Variants in NTNG2 observed in about 807,000 individuals in gnomAD.
NTNG2 encodes netrin G2, also known as netrin-G2.
A neutral mutation model predicts 47.6 loss-of-function variants in NTNG2; 15 were observed. The observed-to-expected ratio is 0.32, with a 90% CI of 0.21 to 0.49. NTNG2 has a LOEUF of 0.49. Ranked by LOEUF, NTNG2 falls within the 20% of genes least tolerant of loss-of-function variation. NTNG2 has a pLI of 0.99. For synonymous variants in NTNG2, 307 were observed against 324.6 expected (o/e 0.95, Z 0.58); for missense variants, 578 against 764.6 (o/e 0.76, Z 2.88).
At chr9:132,188,149 G>A (rs897536930) in intron 2 of NTNG2, among the ~76,000 whole-genome samples, 4 of 152,324 alleles carry the variant, frequency 2.6e-5, no homozygotes, top group East Asian at 1.9e-4. Flanking sequence ...CTTCCCCCAC[G>A]ATTGCTTCCC....
intron 3 of NTNG2, among the ~76,000 whole-genome samples, chr9:132,200,401 C>T (rs529128617): frequency 7.2e-5 from 11 of 152,316 alleles, no homozygotes; most frequent in African/African-American, 2.6e-4. Flanking sequence ...AGTGATTTGC[C>T]GTATGGCAGG....
intron 3 of NTNG2, among the ~76,000 whole-genome samples, chr9:132,199,196 T>C (rs1838557071): frequency 6.6e-6 from 1 of 152,116 alleles, no homozygotes; most frequent in South Asian, 2.1e-4. Flanking sequence ...TGGGCAGAGC[T>C]GGGCTAACTC....
At chr9:132,233,862 T>C (rs1010581590) in intron 5 of NTNG2, 1 of 152,052 alleles carries the variant, frequency 6.6e-6, no homozygotes, top group Non-Finnish European at 1.5e-5. Context: ...TTTTATGATA[T>C]GTAAATTACA....
chr9:132,175,400 T>C (rs1427467102), intron 2 of NTNG2, among the ~76,000 whole-genome samples: 1 of 152,094 alleles, frequency 6.6e-6, no homozygotes. Flanking sequence ...ACCCAGAACA[T>C]GGAAGCCCTG....
rs991133132 is a variant in NTNG2 at position 132,174,322 on chromosome 9, G to A, written c.213+7278G>A. Among the ~76,000 whole-genome samples, 36 of 128,336 alleles carry A rather than the reference G, an allele frequency of 2.8e-4. 1 individual carries two copies. The highest frequency in any genetic ancestry group is 1.2e-3 in the African/African-American group (33 of 27,266). The allele number at this position is 128,336 out of a possible 152,430, so 84.2% of individuals were successfully genotyped here. A position where few individuals can be genotyped will look rare whatever the true frequency, so the allele number is the denominator to read the frequency against. On this transcript the variant is annotated intron_variant, in intron 2 of 7. Coordinates refer to ENST00000393229, the MANE Select transcript of NTNG2 (RefSeq NM_032536.4). ...CATGCTGCGGATGAGACGGACGGAC[G>A]GACGGACAGACAGACAGGTCGAACC... is the stretch of plus-strand genomic sequence containing the variant.
chr9:132,189,869 G>A (rs1351002208), intron 2 of NTNG2, among the ~76,000 whole-genome samples: 1 of 150,538 alleles, frequency 6.6e-6, no homozygotes, highest in Admixed American at 6.6e-5. Flanking sequence ...GACTGGTCTT[G>A]AACTCCTGAC....
chr9:132,237,331 G>A (rs1841702705), intron 5 of NTNG2, among the ~76,000 whole-genome samples: 2 of 152,194 alleles, frequency 1.3e-5, no homozygotes, highest in South Asian at 4.1e-4. Flanking sequence ...CCCTAGAGCT[G>A]GCCCAGGGCG....
In NTNG2 at chr9:132,176,377, G is replaced by A. The variant is rs539091677; in HGVS notation, c.213+9333G>A. Among the ~76,000 whole-genome samples, 15 of 152,116 alleles carry A rather than the reference G, an allele frequency of 9.9e-5. No individual in the cohort carries two copies. In the South Asian group the frequency reaches 1.2e-3, roughly 13 times the overall value. On this transcript the variant is annotated intron_variant, in intron 2 of 7. Coordinates refer to ENST00000393229, the MANE Select transcript of NTNG2 (RefSeq NM_032536.4). ...TCCTTCCCCTGCCCCTGAAAACCAC[G>A]CGTCTACTTTTTGTCTCCATGAATT...
chr9:132,195,444 G>A (rs551016614), intron 2 of NTNG2, among the ~76,000 whole-genome samples: 2 of 150,650 alleles, frequency 1.3e-5, no homozygotes, highest in East Asian at 1.9e-4. Context: ...GAGTAGCTGG[G>A]ACTACAGGCG....
chr9:132,238,673 G>A (rs1266858921), intron 5 of NTNG2, among the ~76,000 whole-genome samples: 1 of 152,190 alleles, frequency 6.6e-6, no homozygotes, highest in African/African-American at 2.4e-5. Flanking sequence ...AGGATACCAC[G>A]GCGAGCGCCG....
At chr9:132,183,091 A>G (rs1293434039) in intron 2 of NTNG2, among the ~76,000 whole-genome samples, 2 of 152,094 alleles carry the variant, frequency 1.3e-5, no homozygotes, top group African/African-American at 4.8e-5. Context: ...AGAGAATTCC[A>G]TGGCCTGCCT....
chr9:132,216,147 C>G (rs1489144401), intron 3 of NTNG2, among the ~76,000 whole-genome samples: 1 of 152,164 alleles, frequency 6.6e-6, no homozygotes, highest in East Asian at 1.9e-4. Context: ...GCAGCCCAGC[C>G]GTGACACTCA....
chr9:132,240,971 G>C lies in NTNG2; in HGVS notation c.1284G>C (p.Glu428Asp). The C allele has an allele frequency of 6.2e-7, 1 of 1,611,962 alleles. No individual in the cohort carries two copies. The highest frequency in any genetic ancestry group is 1.1e-5 in the South Asian group (1 of 91,052). The change falls in exon 7 of 8, where the codon GAG becomes GAC. Residue 428 changes from glutamate (E) to aspartate (D), a missense_variant. Physicochemically the swap from Glu to Asp is conservative, Grantham distance 45. Transcript: ENST00000393229. ...HDRCNETGFC[E>D]CREGAAGPKC... ...GGTGCAACGAGACCGGCTTCTGCGAGTGCCGCGAGGGCGCGGCGGGCCCCA... is the reference window on the plus strand; with the variant it reads ...GGTGCAACGAGACCGGCTTCTGCGACTGCCGCGAGGGCGCGGCGGGCCCCA...
At chr9:132,184,592 G>T (rs527712445) in intron 2 of NTNG2, among the ~76,000 whole-genome samples, 2 of 152,364 alleles carry the variant, frequency 1.3e-5, no homozygotes, top group East Asian at 3.9e-4. Context: ...GCGGGGTGGA[G>T]GGGGCATCCA....
intron 2 of NTNG2, among the ~76,000 whole-genome samples, chr9:132,174,794 C>T (rs948530798): frequency 5.9e-5 from 9 of 151,736 alleles, no homozygotes; most frequent in South Asian, 2.1e-4. Context: ...TGGTGGCGCG[C>T]GCCTGTAATC....
intron 2 of NTNG2, among the ~76,000 whole-genome samples, chr9:132,175,699 G>A (rs1836383904): frequency 6.6e-6 from 1 of 152,230 alleles, no homozygotes; most frequent in African/African-American, 2.4e-5. Flanking sequence ...TGGCGGGGGA[G>A]GGAGCAGTGC....
At chr9:132,220,815 T>C (rs1052833318) in intron 3 of NTNG2, among the ~76,000 whole-genome samples, 6 of 152,218 alleles carry the variant, frequency 3.9e-5, no homozygotes, top group Admixed American at 6.5e-5. Flanking sequence ...AATTTTTATA[T>C]GTGATGTGAA....
At position 132,163,973 on chromosome 9, in the gene NTNG2, C is replaced by G. The variant is rs1394530239; in HGVS notation, c.-484+1734C>G. ...GAAGATAAATTTTCCACGGAGAAAA[C>G]GATCCTCCGGGATGCAGCTTCTTAC... is the stretch of plus-strand genomic sequence containing the variant. On this transcript the variant is annotated intron_variant, in intron 1 of 7. Transcript: ENST00000393229. This position sits in a 1 kb window ranked among gnomAD's most constrained non-coding sequence, Gnocchi z 7.2. Among the ~76,000 whole-genome samples the G allele has an allele frequency of 2.0e-5, 3 of 152,208 alleles. No homozygotes were observed. Among genetic ancestry groups the G allele is most frequent in the East Asian group, 1.9e-4 (1 of 5,198 alleles).
At chr9:132,224,537 G>A (rs908432474) in intron 3 of NTNG2, among the ~76,000 whole-genome samples, 1 of 152,072 alleles carries the variant, frequency 6.6e-6, no homozygotes. Context: ...ATCAGGTCAG[G>A]GAGCCATCTG....
Sources: gnomAD v4.1 joint callset for allele counts (sites outside exome capture counted in the v4.1 genomes callset) on GRCh38, gnomAD v4.1.1 for gene constraint, Gnocchi (gnomAD v3.1) non-coding constraint, MANE v1.5 for transcripts, NCBI Gene and HGNC (gene_info 2026-07-23, HGNC 2026-07-21) for gene names.